The following KANK4 variants were observed in gnomAD, a reference collection of about 807,000 sequenced individuals.
The protein encoded by KANK4 is KN motif and ankyrin repeat domains 4, also known as KN motif and ankyrin repeat domain-containing protein 4.
KANK4 carries 50 observed loss-of-function variants against 80.8 expected under a neutral mutation model. That is an observed-to-expected ratio of 0.62 (90% CI 0.49 to 0.78). The LOEUF (loss-of-function observed/expected upper bound fraction) is 0.78, where lower values mean the gene tolerates loss of function less well. Among genes scored for constraint, KANK4 ranks in the 30% least tolerant of loss-of-function variants. KANK4 has a pLI of 0.00. For missense variants in KANK4, 1,196 were observed against 1,240.1 expected (o/e 0.96, Z 0.53); for synonymous variants, 465 against 506.9 (o/e 0.92, Z 1.11).
At chr1:62,278,133 G>A (rs1672352426) in intron 2 of KANK4, among the ~76,000 whole-genome samples, 2 of 152,052 alleles carry the variant, frequency 1.3e-5, no homozygotes, top group South Asian at 4.1e-4. Context: ...ACAAGGGAGT[G>A]ACTTGGTTGA....
chr1:62,293,969 G>C (rs1431741989), intron 1 of KANK4, among the ~76,000 whole-genome samples: 1 of 152,186 alleles, frequency 6.6e-6, no homozygotes, highest in African/African-American at 2.4e-5. Context: ...ATTATAAATA[G>C]ATAGGCCTGC....
In KANK4 at chr1:62,238,177, A is replaced by G. The variant is rs2149110193; in HGVS notation, c.*100T>C. 1 of 715,224 alleles carries G rather than the reference A, an allele frequency of 1.4e-6. No homozygotes were observed. The highest frequency in any genetic ancestry group is 2.4e-6 in the Non-Finnish European group (1 of 414,270). 44.3% of individuals were successfully genotyped at this position (715,224 alleles called of 1,614,324 possible). ...TATTTGACATAGTTTCTTCTCTAGAAGGGTGGCTCTCTGGCCTGTGACCTC... is the reference window on the plus strand; with the variant it reads ...TATTTGACATAGTTTCTTCTCTAGAGGGGTGGCTCTCTGGCCTGTGACCTC... On this transcript the variant is annotated 3_prime_UTR_variant, in exon 10 of 10. Transcript: ENST00000371153.
At chr1:62,286,898 A>G (rs773918148) in intron 1 of KANK4, among the ~76,000 whole-genome samples, 6 of 152,142 alleles carry the variant, frequency 3.9e-5, no homozygotes, top group African/African-American at 7.2e-5. Flanking sequence ...TGCTCTACCA[A>G]TCTGCTGCCC....
At chr1:62,295,573 G>A (rs1644357155) in intron 1 of KANK4, among the ~76,000 whole-genome samples, 1 of 152,238 alleles carries the variant, frequency 6.6e-6, no homozygotes, top group African/African-American at 2.4e-5. Context: ...ACTGTTGGGA[G>A]GAGAGAAATA....
intron 1 of KANK4, among the ~76,000 whole-genome samples, chr1:62,307,593 T>C (rs2149170990): frequency 6.6e-6 from 1 of 152,152 alleles, no homozygotes; most frequent in Admixed American, 6.6e-5. Context: ...TGTAACACAT[T>C]AACATTCTGA....
chr1:62,314,142 T>C (rs1185195236), intron 1 of KANK4, among the ~76,000 whole-genome samples: 2 of 152,116 alleles, frequency 1.3e-5, no homozygotes, highest in Non-Finnish European at 2.9e-5. Context: ...GCCTCCTGAG[T>C]AGCTGGGATT....
chr1:62,237,257 C>T lies in KANK4; in HGVS notation c.*1020G>A, dbSNP rs1355999899. 3 of 151,010 alleles carry T rather than the reference C, an allele frequency of 2.0e-5. No individual in the cohort carries two copies. The highest frequency in any genetic ancestry group is 6.6e-5 in the Admixed American group (1 of 15,064). The allele number at this position is 151,010 out of a possible 1,614,324, so 9.4% of individuals were successfully genotyped here. ...CTGGCCCCAGGGAATATGGAAGCTT[C>T]GGAAGGTATTGCTCTGCCCTGCCTG... On this transcript the variant is annotated 3_prime_UTR_variant, in exon 10 of 10. Transcript: ENST00000371153.
intron 9 of KANK4, among the ~76,000 whole-genome samples, chr1:62,240,345 C>G (rs967376179): frequency 2.0e-5 from 3 of 152,168 alleles, no homozygotes; most frequent in Non-Finnish European, 4.4e-5. Context: ...ATCCTTTGCC[C>G]ACTTTACAAG....
At chr1:62,246,452 C>A (rs1423461815) in intron 9 of KANK4, among the ~76,000 whole-genome samples, 3 of 152,164 alleles carry the variant, frequency 2.0e-5, no homozygotes, top group South Asian at 2.1e-4. Context: ...TCAAAGCCCA[C>A]ATGCTGTTAT....
intron 1 of KANK4, among the ~76,000 whole-genome samples, chr1:62,282,402 G>T (rs1672470366): frequency 6.6e-6 from 1 of 152,140 alleles, no homozygotes. Context: ...TTTTATGATT[G>T]TAACTCCACA....
chr1:62,257,426 A>G (rs1166336417), intron 7 of KANK4, among the ~76,000 whole-genome samples: 3 of 152,204 alleles, frequency 2.0e-5, no homozygotes, highest in African/African-American at 7.2e-5. Context: ...CAGAGCAGCC[A>G]TCAGGCAGCA....
In KANK4 at chr1:62,288,180, T is replaced by C. The variant is rs2765256; in HGVS notation, c.-70-6546A>G. On this transcript the variant is annotated intron_variant, in intron 1 of 9. Coordinates refer to ENST00000371153, the MANE Select transcript of KANK4 (RefSeq NM_181712.5). ...CACAGACCATCTCCTGAACCAAACA[T>C]GTTTATCCACAAGAACTTTCCTGAC... Among the ~76,000 whole-genome samples the C allele has an allele frequency of 9.6e-3, 1,461 of 152,164 alleles. 20 individuals carry two copies. The highest frequency in any genetic ancestry group is 0.033 in the African/African-American group (1,369 of 41,508).
intron 9 of KANK4, among the ~76,000 whole-genome samples, chr1:62,243,232 C>G (rs1557465242): frequency 6.6e-6 from 1 of 152,186 alleles, no homozygotes; most frequent in East Asian, 1.9e-4. Flanking sequence ...CCTGGCTCTC[C>G]CTGATCCAGC....
At chr1:62,259,153 C>T (rs989788643) in intron 7 of KANK4, among the ~76,000 whole-genome samples, 2 of 152,122 alleles carry the variant, frequency 1.3e-5, no homozygotes, top group African/African-American at 2.4e-5. Flanking sequence ...TAGGGAAAGC[C>T]GTTGGATCCT....
At chr1:62,307,479 C>CAAAAAAAAAAA (rs3039730) in intron 1 of KANK4, among the ~76,000 whole-genome samples, 1 of 113,196 alleles carries the variant, frequency 8.8e-6, no homozygotes. Context: ...GAGACTCTGC[C>CAAAAAAAAAAA]AAAAAAAAAA....
intron 2 of KANK4, among the ~76,000 whole-genome samples, chr1:62,278,980 T>C (rs1226536439): frequency 2.0e-5 from 3 of 152,184 alleles, no homozygotes; most frequent in African/African-American, 7.2e-5. Context: ...GCATTATTTA[T>C]CTGCTTATTG....
intron 3 of KANK4, chr1:62,271,871 A>G (rs1672171841): frequency 2.8e-6 from 1 of 352,294 alleles, no homozygotes; most frequent in Non-Finnish European, 5.4e-6. Context: ...ACAGCTGGGA[A>G]ATCTGAGGCC....
intron 1 of KANK4, among the ~76,000 whole-genome samples, chr1:62,318,701 G>C (rs1571064997): frequency 6.6e-6 from 1 of 152,216 alleles, no homozygotes; most frequent in South Asian, 2.1e-4. Context: ...ATCCCAGACC[G>C]CAGCGCCTAG....
intron 9 of KANK4, among the ~76,000 whole-genome samples, chr1:62,245,967 G>C (rs965234913): frequency 6.6e-6 from 1 of 152,270 alleles, no homozygotes; most frequent in African/African-American, 2.4e-5. Context: ...GAACGTTAAG[G>C]GTATGGGCCC....
Sources: allele counts gnomAD v4.1 joint callset (sites outside exome capture counted in the v4.1 genomes callset), GRCh38; gene constraint gnomAD v4.1.1; transcripts MANE v1.5; gene names NCBI Gene and HGNC (gene_info 2026-07-23, HGNC 2026-07-21).